COL11A1: variants seen among roughly 807,000 people sequenced by gnomAD.
COL11A1 encodes collagen alpha-1(XI) chain.
In COL11A1, 74 loss-of-function variants were observed where a neutral mutation model predicts 265.2. The ratio of observed to expected loss-of-function variants is 0.28; its 90% CI spans 0.23 to 0.34. COL11A1 has a LOEUF of 0.34. COL11A1 is among the 10% of genes least tolerant of loss of function. COL11A1 has a pLI of 1.00. For missense variants in COL11A1, 2,165 were observed against 2,263.6 expected (o/e 0.96, Z 0.88); for synonymous variants, 816 against 727.6 (o/e 1.12, Z -1.96).
chr1:102,889,633 T>C, intron 58 of COL11A1, 71 bp from the exon 59 acceptor site: 1 of 1,091,350 alleles, frequency 9.2e-7, no homozygotes, highest in Non-Finnish European at 1.4e-6. Flanking sequence ...TTATAAAATA[T>C]TTGCACATTA....
chr1:102,985,583 T>G lies in COL11A1; in HGVS notation c.2503-1392A>C, dbSNP rs947646924. On this transcript the variant is annotated intron_variant, in intron 30 of 66. Transcript: ENST00000370096. ...ACCACATTAGAATGTATGTATATAC[T>G]CTAATTCATTTTAGAGTCATTTTAA... 3.9e-5 allele frequency among the ~76,000 whole-genome samples: 6 copies of G among 152,324 alleles called. No individual in the cohort carries two copies. In the East Asian group the frequency reaches 1.2e-3, roughly 29 times the overall value.
At chr1:103,080,943 A>G (rs1672365841) in intron 2 of COL11A1, among the ~76,000 whole-genome samples, 1 of 151,792 alleles carries the variant, frequency 6.6e-6, no homozygotes, top group Non-Finnish European at 1.5e-5. Flanking sequence ...GCAGTCCAAT[A>G]TTTATTGCAA....
Position 103,074,636 on chromosome 1 carries a change from C to A in COL11A1, c.633G>T (p.Leu211Phe). Residue 211 changes from leucine (L) to phenylalanine (F), a missense_variant, in exon 4 of 67, where the codon TTG (leucine) becomes TTT (phenylalanine). Transcript: ENST00000370096. ...TTTTTACCTCAAAAACTTCTTCATC[C>A]AAAATCCTTGTTCCAAAAACCGTGA... ...NGITVFGTRI[L>F]DEEVFEGDIQ... 1 of 1,613,160 alleles carries A rather than the reference C, an allele frequency of 6.2e-7. No homozygotes were observed. Among genetic ancestry groups the A allele is most frequent in the Non-Finnish European group, 8.5e-7 (1 of 1,179,496 alleles).
In COL11A1 at chr1:102,915,563, G is replaced by A. The variant is rs3737211; in HGVS notation, c.3816+68C>T. 2.2e-6 allele frequency: 3 copies of A among 1,340,558 alleles called. No homozygotes were observed. The East Asian group carries it at 6.9e-5, about 31-fold the overall frequency. The allele number at this position is 1,340,558 out of a possible 1,614,324, so 83.0% of individuals were successfully genotyped here. A position where few individuals can be genotyped will look rare whatever the true frequency, so the allele number is the denominator to read the frequency against. On this transcript the variant is annotated intron_variant, in intron 50 of 66. Coordinates refer to ENST00000370096, the MANE Select transcript of COL11A1 (RefSeq NM_001854.4). ...GAACCACAGCTAAGAGTTGTTACAT[G>A]TTTGTAATGCTGTAAAAGAAATTCC...
At chr1:102,929,051 C>T (rs1392595689) in intron 46 of COL11A1, among the ~76,000 whole-genome samples, 1 of 145,246 alleles carries the variant, frequency 6.9e-6, no homozygotes, top group Non-Finnish European at 1.5e-5. Flanking sequence ...TGCCTGTTCA[C>T]TCTGACGGTA....
chr1:102,901,239 G>C (rs978822978), intron 54 of COL11A1, among the ~76,000 whole-genome samples: 1 of 151,332 alleles, frequency 6.6e-6, no homozygotes, highest in African/African-American at 2.4e-5. Flanking sequence ...AGAATCGCTT[G>C]AACCCGGGAG....
chr1:102,965,573 C>T (rs1365235152), intron 37 of COL11A1, 33 bp from the exon 38 acceptor site: 1 of 1,579,704 alleles, frequency 6.3e-7, no homozygotes. Context: ...GTAAAAGCTA[C>T]ATACAACACA....
At chr1:102,905,019 T>C (rs1653745910) in intron 54 of COL11A1, among the ~76,000 whole-genome samples, 2 of 151,972 alleles carry the variant, frequency 1.3e-5, no homozygotes, top group Admixed American at 1.3e-4. Context: ...GTGGTACATA[T>C]ACACCATGGA....
intron 49 of COL11A1, among the ~76,000 whole-genome samples, chr1:102,916,799 T>G (rs1230811286): frequency 6.6e-6 from 1 of 151,698 alleles, no homozygotes; most frequent in Non-Finnish European, 1.5e-5. Flanking sequence ...CAGCAAATAC[T>G]TCCAGAATTT....
At chr1:103,104,102 G>C (rs1030177319) in intron 1 of COL11A1, among the ~76,000 whole-genome samples, 2 of 151,992 alleles carry the variant, frequency 1.3e-5, no homozygotes, top group Non-Finnish European at 2.9e-5. Context: ...ATAATTTCTA[G>C]TGCTAGCATT....
chr1:102,911,529 T>C (rs929585748), intron 54 of COL11A1, among the ~76,000 whole-genome samples: 3 of 152,166 alleles, frequency 2.0e-5, no homozygotes, highest in East Asian at 3.8e-4. Flanking sequence ...TAAAGTGAGA[T>C]AGCTGCTGTA....
chr1:102,943,352 G>A (rs1437876349), intron 42 of COL11A1, among the ~76,000 whole-genome samples: 4 of 150,884 alleles, frequency 2.7e-5, no homozygotes, highest in Admixed American at 6.6e-5. Flanking sequence ...TTTGTCTTTC[G>A]GATTTCAGTA....
chr1:102,962,842 C>T (rs1661054548), intron 38 of COL11A1, 82 bp from the exon 39 acceptor site: 8 of 1,245,946 alleles, frequency 6.4e-6, no homozygotes, highest in Middle Eastern at 1.9e-4. Context: ...AGTATTATTA[C>T]ATTTACAAAA....
chr1:103,031,389 C>A, intron 4 of COL11A1, 145 bp from the exon 5 acceptor site: 1 of 1,011,028 alleles, frequency 9.9e-7, no homozygotes, highest in Non-Finnish European at 1.4e-6. Context: ...TAAGAAGAGT[C>A]TTATAGGATT....
chr1:103,018,960 T>C, intron 9 of COL11A1, 101 bp from the exon 10 acceptor site: 2 of 919,802 alleles, frequency 2.2e-6, no homozygotes, highest in South Asian at 1.5e-5. Flanking sequence ...TATTAAATAG[T>C]GAATTATCTA....
chr1:102,907,709 T>G (rs1381002054), intron 54 of COL11A1, among the ~76,000 whole-genome samples: 3 of 149,068 alleles, frequency 2.0e-5, no homozygotes, highest in African/African-American at 7.4e-5. Flanking sequence ...TACACATATT[T>G]ATTCTGCTTA....
In COL11A1 at chr1:103,002,428, C is replaced by T. The variant is rs775800593; in HGVS notation, c.2097G>A (p.Gln699=). 1 of 1,607,722 alleles carries T rather than the reference C, an allele frequency of 6.2e-7. No individual in the cohort carries two copies. Among genetic ancestry groups the T allele is most frequent in the Admixed American group, 1.7e-5 (1 of 59,232 alleles). ...AGGAGCTGCAGTGGCTTAGACTTAC[C>T]TGAGGTCCTGGATTCCCTTGTTGAC... is the stretch of plus-strand genomic sequence containing the variant. ...PPGQQGNPGP[Q]GLPGPQGPIG... The change falls in exon 23 of 67, where the codon CAG becomes CAA. Residue 699 remains glutamine, a splice_region_variant and synonymous_variant. Transcript: ENST00000370096.
At chr1:102,947,152 C>T (rs1156609964) in intron 41 of COL11A1, among the ~76,000 whole-genome samples, 196 bp from the exon 42 acceptor site, 1 of 151,952 alleles carries the variant, frequency 6.6e-6, no homozygotes, top group Non-Finnish European at 1.5e-5. Context: ...CAATATTAAG[C>T]ATAGATGTTG....
intron 54 of COL11A1, among the ~76,000 whole-genome samples, chr1:102,905,590 A>G (rs1395934826): frequency 1.3e-5 from 2 of 151,474 alleles, no homozygotes; most frequent in Non-Finnish European, 1.5e-5. Context: ...TAGTTTAATA[A>G]CTTTATTATT....
Sources: allele counts gnomAD v4.1 joint callset (sites outside exome capture counted in the v4.1 genomes callset), GRCh38; gene constraint gnomAD v4.1.1; transcripts MANE v1.5; gene names NCBI Gene and HGNC (gene_info 2026-07-23, HGNC 2026-07-21).